CCAR1: variants seen among roughly 807,000 people sequenced by gnomAD.
CCAR1 encodes the protein cell division cycle and apoptosis regulator protein 1.
CCAR1 carries 78 observed loss-of-function variants against 163.8 expected under a neutral mutation model. The ratio of observed to expected loss-of-function variants is 0.48; its 90% confidence interval spans 0.40 to 0.57. The LOEUF (loss-of-function observed/expected upper bound fraction) is 0.57. Ranked by LOEUF, CCAR1 falls within the 20% of genes least tolerant of loss-of-function variation. The pLI is 0.00. For synonymous variants in CCAR1, 443 were observed against 460.7 expected, an observed-to-expected ratio of 0.96 and a Z score of 0.49; for missense variants, 1,019 against 1,365.2, an observed-to-expected ratio of 0.75 and a Z score of 4.00.
At chr10:68,788,474 T>C (rs2056819815) in intron 23 of CCAR1, 146 bp downstream of exon 23, 1 of 454,090 alleles carries the variant, frequency 2.2e-6, no homozygotes, top group Non-Finnish European at 3.6e-6. Context: ...TAAGGAACTT[T>C]TTAAAATTTT....
intron 16 of CCAR1, among the ~76,000 whole-genome samples, chr10:68,763,470 C>T (rs765677977): frequency 6.6e-6 from 1 of 151,416 alleles, no homozygotes; most frequent in Admixed American, 6.6e-5. Flanking sequence ...TTTTTTGAGA[C>T]GGAGTCTCTC....
chr10:68,747,216 T>C lies in CCAR1; in HGVS notation c.574T>C (p.Tyr192His). ...TGACAGAGTATTGGTTGAAGCTACT[T>C]ATAATCCTAATATGCCTTTTAAATG... ...VGDRVLVEATYNPNMPFKWNA... is the reference protein window; with the variant it reads ...VGDRVLVEATHNPNMPFKWNA... Residue 192 changes from tyrosine (Y) to histidine (H), a missense_variant, in exon 7 of 25, where the codon TAT becomes CAT. This residue lies in a region of CCAR1 where 644 missense variants were observed against 904.4 expected (regional missense o/e 0.71). Coordinates refer to ENST00000265872, the MANE Select transcript of CCAR1 (RefSeq NM_018237.4). 1 of 1,612,280 alleles carries C rather than the reference T, an allele frequency of 6.2e-7. No individual in the cohort carries two copies. Among genetic ancestry groups the C allele is most frequent in the Non-Finnish European group, 8.5e-7 (1 of 1,179,358 alleles).
chr10:68,750,818 T>C (rs971170420), intron 10 of CCAR1, among the ~76,000 whole-genome samples: 4 of 152,322 alleles, frequency 2.6e-5, no homozygotes, highest in Non-Finnish European at 5.9e-5. Context: ...TTATTATGTT[T>C]AAACAGAGTG....
rs185169540 is a variant in CCAR1, at chr10:68,730,171, C to T, written c.74-6705C>T. Among the ~76,000 whole-genome samples, 38 of 152,086 alleles carry T rather than the reference C, an allele frequency of 2.5e-4. 1 individual carries two copies. The highest frequency in any genetic ancestry group is 1.4e-4 in the African/African-American group (6 of 41,494). ...TCCTAACCCCCTGATCCACCCGTGTCGTCTTCCCTAAGTGCTGGGATTACA... is the reference window on the plus strand; with the variant it reads ...TCCTAACCCCCTGATCCACCCGTGTTGTCTTCCCTAAGTGCTGGGATTACA... On this transcript the variant is annotated intron_variant, in intron 2 of 24. Transcript: ENST00000265872.
chr10:68,782,348 C>T (rs2056746681), intron 19 of CCAR1, among the ~76,000 whole-genome samples: 1 of 151,890 alleles, frequency 6.6e-6, no homozygotes, highest in Non-Finnish European at 1.5e-5. Flanking sequence ...GCATTTAAGG[C>T]TGCAGTGAGC....
At chr10:68,759,781 A>G (rs2056445708) in intron 15 of CCAR1, among the ~76,000 whole-genome samples, 1 of 152,086 alleles carries the variant, frequency 6.6e-6, no homozygotes, top group East Asian at 1.9e-4. Context: ...TTGCGTTAAC[A>G]TTAATTTTAT....
intron 2 of CCAR1, among the ~76,000 whole-genome samples, chr10:68,734,153 A>G (rs2056077551): frequency 1.3e-5 from 2 of 152,068 alleles, no homozygotes; most frequent in South Asian, 4.1e-4. Context: ...TGTGATGTTC[A>G]AGAGTAGGGT....
At chr10:68,752,742 C>T (rs990872834) in intron 10 of CCAR1, among the ~76,000 whole-genome samples, 6 of 152,072 alleles carry the variant, frequency 3.9e-5, no homozygotes, top group African/African-American at 9.7e-5. Flanking sequence ...GTAGTGCACC[C>T]GTAGTCCTAG....
At chr10:68,760,170 A>G (rs1353602796) in intron 15 of CCAR1, among the ~76,000 whole-genome samples, 6 of 151,940 alleles carry the variant, frequency 3.9e-5, no homozygotes, top group Non-Finnish European at 7.4e-5. Context: ...TATTTACTTA[A>G]CTTTTAGAGA....
At chr10:68,774,073 G>T (rs951308145) in intron 19 of CCAR1, among the ~76,000 whole-genome samples, 1 of 151,904 alleles carries the variant, frequency 6.6e-6, no homozygotes, top group East Asian at 1.9e-4. Context: ...TGTATTTTTA[G>T]TAGAGATGGA....
intron 19 of CCAR1, among the ~76,000 whole-genome samples, chr10:68,776,976 A>G (rs903113571): frequency 6.6e-6 from 1 of 152,212 alleles, no homozygotes; most frequent in African/African-American, 2.4e-5. Context: ...CCTTCACCAG[A>G]AAGAAAACAT....
chr10:68,790,789 A>G (rs2056844323), intron 24 of CCAR1, among the ~76,000 whole-genome samples: 1 of 148,180 alleles, frequency 6.7e-6, no homozygotes, highest in South Asian at 2.4e-4. Context: ...TGGGCGGATC[A>G]CGAAGTCAGG....
intron 21 of CCAR1, 163 bp downstream of exon 21, chr10:68,786,855 C>G: frequency 1.9e-6 from 1 of 536,116 alleles, no homozygotes; most frequent in Admixed American, 4.1e-5. Flanking sequence ...GAGGCTGAGG[C>G]GGGCAGATCA....
chr10:68,758,503 AGTGTGTGTGTGTGTGTGTGTGTGTGT>A (rs71028777), intron 15 of CCAR1, among the ~76,000 whole-genome samples: 69 of 124,610 alleles, frequency 5.5e-4, no homozygotes, highest in Non-Finnish European at 9.6e-4. Flanking sequence ...CATCCTGGGC[AGTGTGTGTGTGTGTGTGTGTGTGTGT>A]GTGTGTGTGT....
At position 68,747,625 on chromosome 10, in the gene CCAR1, A is replaced by G. The variant is rs1012792713; in HGVS notation, c.826+59A>G. ...CTTTTTAGTTGTTGATAATGTAACTATGCTTTTAATTACAAAAAAAGGCAG... is the reference window on the plus strand; with the variant it reads ...CTTTTTAGTTGTTGATAATGTAACTGTGCTTTTAATTACAAAAAAAGGCAG... On this transcript the variant is annotated intron_variant, in intron 8 of 24. Coordinates refer to ENST00000265872, the MANE Select transcript of CCAR1 (RefSeq NM_018237.4). 1.5e-5 allele frequency: 22 copies of G among 1,450,490 alleles called. No individual in the cohort carries two copies. The East Asian group carries it at 4.6e-4, about 30-fold the overall frequency. 89.9% of individuals were successfully genotyped at this position (1,450,490 alleles called of 1,614,324 possible).
At chr10:68,747,940 G>C (rs1339956625) in intron 8 of CCAR1, among the ~76,000 whole-genome samples, 1 of 152,038 alleles carries the variant, frequency 6.6e-6, no homozygotes, top group Non-Finnish European at 1.5e-5. Context: ...TGCAACCTCA[G>C]CCTCCCCAGT....
chr10:68,789,421 G>A (rs538197229), intron 23 of CCAR1, among the ~76,000 whole-genome samples: 150 of 151,790 alleles, frequency 9.9e-4, no homozygotes, highest in Non-Finnish European at 4.6e-4. Context: ...GTGAAACCCC[G>A]TCTCTAAAAA....
chr10:68,751,215 C>T (rs546732800), intron 10 of CCAR1, among the ~76,000 whole-genome samples: 1 of 151,826 alleles, frequency 6.6e-6, no homozygotes, highest in South Asian at 2.1e-4. Context: ...TTAGTAGAAA[C>T]AGGGTTTCAC....
chr10:68,752,041 C>G (rs1229808255), intron 10 of CCAR1, among the ~76,000 whole-genome samples: 47 of 150,492 alleles, frequency 3.1e-4, no homozygotes, highest in African/African-American at 1.1e-3. Flanking sequence ...CTCAGCCTCC[C>G]GAGTAGCTGG....
Sources: allele counts gnomAD v4.1 joint callset (sites outside exome capture counted in the v4.1 genomes callset), GRCh38; gene constraint gnomAD v4.1.1; regional missense constraint gnomAD v4.1.1; transcripts MANE v1.5; gene names NCBI Gene and HGNC (gene_info 2026-07-23, HGNC 2026-07-21).